AMIGO2: variants seen among roughly 807,000 people sequenced by gnomAD.
AMIGO2 encodes amphoterin-induced protein 2.
Under a neutral mutation model 23.7 loss-of-function variants are expected in AMIGO2, and 15 were observed. The observed-to-expected ratio is 0.63, with a 90% CI of 0.42 to 0.98. The LOEUF is 0.98. AMIGO2 is among the 50% of genes least tolerant of loss of function. AMIGO2 has a pLI of 0.00. For missense variants in AMIGO2, 561 were observed against 633.1 expected, an observed-to-expected ratio of 0.89 and a Z score of 1.22; for synonymous variants, 264 against 252.3, an observed-to-expected ratio of 1.05 and a Z score of -0.44.
Position 47,079,150 on chromosome 12 carries a change from C to T in AMIGO2, c.-72G>A, listed in dbSNP as rs1592113423. The T allele has an allele frequency of 3.4e-6, 4 of 1,164,526 alleles. No individual in the cohort carries two copies. Among genetic ancestry groups the T allele is most frequent in the Non-Finnish European group, 3.5e-6 (3 of 847,770 alleles). The allele number at this position is 1,164,526 out of a possible 1,614,324, so 72.1% of individuals were successfully genotyped here. A position where few individuals can be genotyped will look rare whatever the true frequency, so the allele number is the denominator to read the frequency against. On this transcript the variant is annotated 5_prime_UTR_variant, in exon 2 of 3. Transcript: ENST00000550413. ...ACCCATAAGAGCCATACCTTACTTT[C>T]TTTCCAATAACTTTTGAAATGGGTT...
rs1389091817 is a variant in AMIGO2, at chr12:47,077,677, T to C, written c.1326A>G (p.Ser442=). The change falls in exon 3 of 3, where the codon TCA becomes TCG. Residue 442 remains serine, a synonymous_variant. Transcript: ENST00000550413. ...TAGCGGGGCCAGGACTGAGAATCGA[T>C]GAATGGGCATTGCTTTGGTGTAGCA... ...KNMLHQSNAH[S]SILSPGPASD... is the part of the protein sequence containing the mutation. 7 of 1,614,216 alleles carry C rather than the reference T, an allele frequency of 4.3e-6. No homozygotes were observed. The highest frequency in any genetic ancestry group is 5.1e-6 in the Non-Finnish European group (6 of 1,180,042).
At position 47,077,598 on chromosome 12, in the gene AMIGO2, A is replaced by G; in HGVS notation, c.1405T>C (p.Leu469=). ...GCTGCAGTATCCTTCAGGGGTTCCAAAAACACCACTCTTTTACCTGCACCT... is the reference window on the plus strand; with the variant it reads ...GCTGCAGTATCCTTCAGGGGTTCCAGAAACACCACTCTTTTACCTGCACCT... The part of the protein sequence containing the change: ...KAGAGKRVVF[L]EPLKDTAAGQ... The change falls in exon 3 of 3, where the codon TTG becomes CTG. Residue 469 remains leucine, a synonymous_variant. Coordinates refer to ENST00000550413, the MANE Select transcript of AMIGO2 (RefSeq NM_001370299.1). 6.2e-7 allele frequency: 1 copy of G among 1,614,238 alleles called. No individual in the cohort carries two copies. Among genetic ancestry groups the G allele is most frequent in the Non-Finnish European group, 8.5e-7 (1 of 1,180,042 alleles).
In AMIGO2 at chr12:47,078,134, G is replaced by T. The variant is rs755352435; in HGVS notation, c.869C>A (p.Ser290Tyr). ...ATGAATAAAGCCAAGCGCACGAAAGGAACCATTGATGATGCTGTCAGAGCA... is the reference window on the plus strand; with the variant it reads ...ATGAATAAAGCCAAGCGCACGAAAGTAACCATTGATGATGCTGTCAGAGCA... ...MNCSDSIING[S>Y]FRALGFIHEA... is the part of the protein sequence containing the mutation. The change falls in exon 3 of 3, where the codon TCC (serine) becomes TAC (tyrosine). Residue 290 changes from serine to tyrosine, a missense_variant. Transcript: ENST00000550413. 4.8e-5 allele frequency: 77 copies of T among 1,614,040 alleles called. No homozygotes were observed. The highest frequency in any genetic ancestry group is 6.1e-5 in the Non-Finnish European group (72 of 1,180,040).
At position 47,077,013 on chromosome 12, in the gene AMIGO2, C is replaced by G. The variant is rs59002244; in HGVS notation, c.*421G>C. 8.7e-3 allele frequency: 1,384 copies of G among 159,466 alleles called. 18 individuals carry two copies. The highest frequency in any genetic ancestry group is 0.032 in the African/African-American group (1,311 of 41,594). The allele number at this position is 159,466 out of a possible 1,614,324, so 9.9% of individuals were successfully genotyped here. A position where few individuals can be genotyped will look rare whatever the true frequency, so the allele number is the denominator to read the frequency against. On this transcript the variant is annotated 3_prime_UTR_variant, in exon 3 of 3. Coordinates refer to ENST00000550413, the MANE Select transcript of AMIGO2 (RefSeq NM_001370299.1). Reference sequence around the variant, plus strand: ...TGATGCTTGATTCTTCTTTCTACATCTTTTAAAAATGAAATTGGACACTAG... The same window carrying G: ...TGATGCTTGATTCTTCTTTCTACATGTTTTAAAAATGAAATTGGACACTAG...
rs1941858401 is a variant in AMIGO2, at chr12:47,076,571, T to C, written c.*863A>G. ...ACAAAATATCAAGTCACAGATTACA[T>C]ATATTTACATTAATTCAAATGTCCA... On this transcript the variant is annotated 3_prime_UTR_variant, in exon 3 of 3. Transcript: ENST00000550413. 6.6e-6 allele frequency: 1 copy of C among 152,670 alleles called. No individual in the cohort carries two copies. The highest frequency in any genetic ancestry group is 1.5e-5 in the Non-Finnish European group (1 of 68,048). The allele number at this position is 152,670 out of a possible 1,614,324, so 9.5% of individuals were successfully genotyped here.
chr12:47,078,630 A>G lies in AMIGO2; in HGVS notation c.373T>C (p.Ser125Pro), dbSNP rs1186972194. ...TTCACCGTCTTCAGCTTATTGGACGATAAGTCAAGACACTTCAAATTTGGA... is the reference window on the plus strand; with the variant it reads ...TTCACCGTCTTCAGCTTATTGGACGGTAAGTCAAGACACTTCAAATTTGGA... Reference protein sequence around the residue: ...TTPNLKCLDLSSNKLKTVKNA... With the variant: ...TTPNLKCLDLPSNKLKTVKNA... The change falls in exon 3 of 3, where the codon TCG becomes CCG. Residue 125 changes from serine to proline, a missense_variant. Ser to Pro is a moderately conservative substitution (Grantham distance 74). Transcript: ENST00000550413. 6 of 1,614,242 alleles carry G rather than the reference A, an allele frequency of 3.7e-6. No individual in the cohort carries two copies. The highest frequency in any genetic ancestry group is 3.3e-5 in the Admixed American group (2 of 60,034).
In AMIGO2 at chr12:47,077,347, TTC is replaced by T; in HGVS notation, c.*85_*86del. 6.7e-7 allele frequency: 1 copy of T among 1,482,386 alleles called. No homozygotes were observed. The highest frequency in any genetic ancestry group is 1.4e-5 in the African/African-American group (1 of 71,184). 91.8% of individuals were successfully genotyped at this position (1,482,386 alleles called of 1,614,324 possible). Reference sequence around the variant, plus strand: ...ATTTCAAAGAACAAAACAACACAATTTCTGTCCTGCTGTTTATTTTGCAGACC... The same window carrying T: ...ATTTCAAAGAACAAAACAACACAATTTGTCCTGCTGTTTATTTTGCAGACC... On this transcript the variant is annotated 3_prime_UTR_variant, in exon 3 of 3. Transcript: ENST00000550413.
chr12:47,077,803 A>G lies in AMIGO2; in HGVS notation c.1200T>C (p.Phe400=). 2 of 1,614,252 alleles carry G rather than the reference A, an allele frequency of 1.2e-6. No individual in the cohort carries two copies. The highest frequency in any genetic ancestry group is 1.7e-6 in the Non-Finnish European group (2 of 1,180,048). Residue 400 remains phenylalanine, a synonymous_variant, in exon 3 of 3, where the codon TTT becomes TTC. Coordinates refer to ENST00000550413, the MANE Select transcript of AMIGO2 (RefSeq NM_001370299.1). The part of the protein sequence containing the change: ...SHAHEAFNTA[F]TTLAACVASI... ...TGGCCACGCAAGCAGCAAGAGTGGT[A>G]AAAGCTGTGTTAAATGCCTCATGAG...
At position 47,077,172 on chromosome 12, in the gene AMIGO2, CT is replaced by C; in HGVS notation, c.*261del. On this transcript the variant is annotated 3_prime_UTR_variant, in exon 3 of 3. Transcript: ENST00000550413. ...AATGGGAGTCATATCACCTTTGGGC[CT>C]ACTCTGAAATTACCAATAGTGCTAA... The C allele has an allele frequency of 2.4e-6, 1 of 415,182 alleles. No individual in the cohort carries two copies. The highest frequency in any genetic ancestry group is 4.3e-6 in the Non-Finnish European group (1 of 233,376). 25.7% of individuals were successfully genotyped at this position (415,182 alleles called of 1,614,324 possible).
rs1259700399 is a variant in AMIGO2 at position 47,076,669 on chromosome 12, A to C, written c.*765T>G. Reference sequence around the variant, plus strand: ...TTACATATACACAAGCACATGAACCAATATTAGTTTGCTAGAACAGGGATT... The same window carrying C: ...TTACATATACACAAGCACATGAACCCATATTAGTTTGCTAGAACAGGGATT... On this transcript the variant is annotated 3_prime_UTR_variant, in exon 3 of 3. Coordinates refer to ENST00000550413, the MANE Select transcript of AMIGO2 (RefSeq NM_001370299.1). 5 of 152,602 alleles carry C rather than the reference A, an allele frequency of 3.3e-5. No individual in the cohort carries two copies. Among genetic ancestry groups the C allele is most frequent in the Non-Finnish European group, 7.3e-5 (5 of 68,056 alleles). 9.5% of individuals were successfully genotyped at this position (152,602 alleles called of 1,614,324 possible). A position where few individuals can be genotyped will look rare whatever the true frequency, so the allele number is the denominator to read the frequency against.
In AMIGO2 at chr12:47,078,710, A is replaced by C; in HGVS notation, c.293T>G (p.Leu98Arg). 1.2e-6 allele frequency: 2 copies of C among 1,614,230 alleles called. No homozygotes were observed. Among genetic ancestry groups the C allele is most frequent in the Non-Finnish European group, 1.7e-6 (2 of 1,180,044 alleles). Residue 98 changes from leucine (L) to arginine (R), a missense_variant, in exon 3 of 3, where the codon CTA becomes CGA. Physicochemically the swap from Leu to Arg is moderately radical, Grantham distance 102 (BLOSUM62 -2). Coordinates refer to ENST00000550413, the MANE Select transcript of AMIGO2 (RefSeq NM_001370299.1). Reference sequence around the variant, plus strand: ...GGTGATGTTGTTATGACGAAGAATTAGGGTGTTCAGCTTTGCAAACGATAC... The same window carrying C: ...GGTGATGTTGTTATGACGAAGAATTCGGGTGTTCAGCTTTGCAAACGATAC... ...IPVSFAKLNTLILRHNNITSI... is the reference protein window; with the variant it reads ...IPVSFAKLNTRILRHNNITSI...
downstream of AMIGO2, chr12:47,076,369 C>T (rs1941855580): frequency 6.6e-6 from 1 of 152,418 alleles, no homozygotes; most frequent in East Asian, 1.9e-4. Context: ...CAGAGTAAAA[C>T]GTCATACGGA....
chr12:47,077,930 G>A lies in AMIGO2; in HGVS notation c.1073C>T (p.Ala358Val). The change falls in exon 3 of 3, where the codon GCT becomes GTT. Residue 358 changes from alanine (A) to valine (V), a missense_variant. Coordinates refer to ENST00000550413, the MANE Select transcript of AMIGO2 (RefSeq NM_001370299.1). The part of the protein sequence containing the change: ...LVIESPRFED[A>V]GVYSCIAMNK... ...CATTGCGATACAAGAATACACTCCA[G>A]CATCCTCAAAACGAGGGCTTTCTAT... 3 of 1,613,872 alleles carry A rather than the reference G, an allele frequency of 1.9e-6. No homozygotes were observed. Among genetic ancestry groups the A allele is most frequent in the Non-Finnish European group, 2.5e-6 (3 of 1,180,026 alleles).
Position 47,077,681 on chromosome 12 carries a change from T to C in AMIGO2, c.1322A>G (p.His441Arg), listed in dbSNP as rs1231262126. The C allele has an allele frequency of 1.2e-6, 2 of 1,614,216 alleles. No individual in the cohort carries two copies. The highest frequency in any genetic ancestry group is 3.3e-5 in the Admixed American group (2 of 60,024). ...GGGGCCAGGACTGAGAATCGATGAA[T>C]GGGCATTGCTTTGGTGTAGCATATT... The part of the protein sequence containing the change: ...QKNMLHQSNA[H>R]SSILSPGPAS... Residue 441 changes from histidine (H) to arginine (R), a missense_variant, in exon 3 of 3, where the codon CAT (histidine) becomes CGT (arginine). By Grantham distance (29) the His-to-Arg change is conservative. Transcript: ENST00000550413.
Position 47,078,618 on chromosome 12 carries a change from G to T in AMIGO2, c.385C>A (p.Leu129Met), listed in dbSNP as rs1941897999. Reference protein sequence around the residue: ...LKCLDLSSNKLKTVKNAVFQE... With the variant: ...LKCLDLSSNKMKTVKNAVFQE... The stretch of plus-strand genomic sequence containing the variant: ...AATACAGCATTTTTCACCGTCTTCA[G>T]CTTATTGGACGATAAGTCAAGACAC... The change falls in exon 3 of 3, where the codon CTG becomes ATG. Residue 129 changes from leucine (L) to methionine (M), a missense_variant. Coordinates refer to ENST00000550413, the MANE Select transcript of AMIGO2 (RefSeq NM_001370299.1). 1.2e-6 allele frequency: 2 copies of T among 1,614,238 alleles called. No homozygotes were observed. The highest frequency in any genetic ancestry group is 4.5e-5 in the East Asian group (2 of 44,892).
chr12:47,077,674 C>A lies in AMIGO2; in HGVS notation c.1329G>T (p.Ser443=). Residue 443 remains serine, a synonymous_variant, in exon 3 of 3, where the codon TCG becomes TCT. Transcript: ENST00000550413. The part of the protein sequence containing the change: ...NMLHQSNAHS[S]ILSPGPASDA... Reference sequence around the variant, plus strand: ...CACTAGCGGGGCCAGGACTGAGAATCGATGAATGGGCATTGCTTTGGTGTA... The same window carrying A: ...CACTAGCGGGGCCAGGACTGAGAATAGATGAATGGGCATTGCTTTGGTGTA... 1 of 1,614,214 alleles carries A rather than the reference C, an allele frequency of 6.2e-7. No individual in the cohort carries two copies. Among genetic ancestry groups the A allele is most frequent in the Non-Finnish European group, 8.5e-7 (1 of 1,180,040 alleles).
chr12:47,078,229 G>A lies in AMIGO2; in HGVS notation c.774C>T (p.Tyr258=). Residue 258 remains tyrosine (Y), a synonymous_variant, in exon 3 of 3, where the codon TAC becomes TAT. Transcript: ENST00000550413. ...TGGAGTCAGACCACAGGCGACAGGTGTAATCGTTCTTAAAATCCATCACTG... is the reference window on the plus strand; with the variant it reads ...TGGAGTCAGACCACAGGCGACAGGTATAATCGTTCTTAAAATCCATCACTG... ...FSSVMDFKND[Y]TCRLWSDSRH... is the part of the protein sequence containing the mutation. 1 of 1,614,166 alleles carries A rather than the reference G, an allele frequency of 6.2e-7. No homozygotes were observed. Among genetic ancestry groups the A allele is most frequent in the South Asian group, 1.1e-5 (1 of 91,086 alleles).
Position 47,077,252 on chromosome 12 carries a change from C to T in AMIGO2, c.*182G>A, listed in dbSNP as rs1196179937. The T allele has an allele frequency of 2.3e-6, 2 of 861,482 alleles. No individual in the cohort carries two copies. The highest frequency in any genetic ancestry group is 3.4e-5 in the African/African-American group (2 of 58,458). 53.4% of individuals were successfully genotyped at this position (861,482 alleles called of 1,614,324 possible). ...AACTTTGGAAAACAACCCCATCTTT[C>T]TATGGCACATTGAGGAACTGAAGTA... On this transcript the variant is annotated 3_prime_UTR_variant, in exon 3 of 3. Transcript: ENST00000550413.
In AMIGO2 at chr12:47,077,707, T is replaced by G. The variant is rs1483366917; in HGVS notation, c.1296A>C (p.Lys432Asn). ...GGGCATTGCTTTGGTGTAGCATATT[T>G]TTCTGTCTCTTGGTTTTACACTTGC... ...CPCKCKTKRQ[K>N]NMLHQSNAHS... Residue 432 changes from lysine (K) to asparagine (N), a missense_variant, in exon 3 of 3, where the codon AAA becomes AAC. Physicochemically the swap from Lys to Asn is moderately conservative, Grantham distance 94. Coordinates refer to ENST00000550413, the MANE Select transcript of AMIGO2 (RefSeq NM_001370299.1). 1 of 1,614,238 alleles carries G rather than the reference T, an allele frequency of 6.2e-7. No homozygotes were observed. Among genetic ancestry groups the G allele is most frequent in the Admixed American group, 1.7e-5 (1 of 60,030 alleles).
Sources: gnomAD v4.1 joint callset for allele counts on GRCh38, gnomAD v4.1.1 for gene constraint, MANE v1.5 for transcripts, NCBI Gene and HGNC (gene_info 2026-07-23, HGNC 2026-07-21) for gene names.